Variants in GPC6 observed in about 807,000 individuals in gnomAD.
The protein encoded by GPC6 is glypican-6.
GPC6 carries 14 observed loss-of-function variants against 55.2 expected under a neutral mutation model. The observed-to-expected ratio is 0.25, with a 90% CI of 0.17 to 0.40. The LOEUF (loss-of-function observed/expected upper bound fraction) is 0.40, where lower values mean the gene tolerates loss of function less well. Among genes scored for constraint, GPC6 ranks in the 10% least tolerant of loss-of-function variants. GPC6 has a pLI of 1.00. For synonymous variants in GPC6, 278 were observed against 259.6 expected, an observed-to-expected ratio of 1.07 and a Z score of -0.68; for missense variants, 641 against 708.5, an observed-to-expected ratio of 0.90 and a Z score of 1.08.
At chr13:93,471,189 A>G (rs1370921170) in intron 1 of GPC6, among the ~76,000 whole-genome samples, 1 of 151,686 alleles carries the variant, frequency 6.6e-6, no homozygotes, top group African/African-American at 2.4e-5. Context: ...GCTAGTTAAG[A>G]TGGAAATTTT....
At chr13:93,630,912 C>T (rs1239137415) in intron 2 of GPC6, among the ~76,000 whole-genome samples, 1 of 152,068 alleles carries the variant, frequency 6.6e-6, no homozygotes, top group Non-Finnish European at 1.5e-5. Context: ...AAGATAGGCC[C>T]TTTAAAGAAG....
intron 2 of GPC6, among the ~76,000 whole-genome samples, chr13:93,666,996 C>A (rs1488379232): frequency 1.3e-5 from 2 of 151,120 alleles, no homozygotes; most frequent in Non-Finnish European, 3.0e-5. Context: ...TTCAAAATAA[C>A]TTTTTTTTTG....
At chr13:94,048,948 A>G (rs1433312484) in intron 4 of GPC6, among the ~76,000 whole-genome samples, 1 of 151,966 alleles carries the variant, frequency 6.6e-6, no homozygotes, top group Admixed American at 6.6e-5. Context: ...TGTATCTATG[A>G]AGAAGGCATT....
chr13:94,234,508 C>CT (rs56709078), intron 4 of GPC6, among the ~76,000 whole-genome samples: 43,533 of 135,960 alleles, frequency 0.32, 7,330 homozygotes, highest in Non-Finnish European at 0.35. Context: ...CTTTTGTTTG[C>CT]TTTTTTTTTT....
rs920493395 is a variant in GPC6, at chr13:93,421,323, A to G, written c.161-123940A>G. Among the ~76,000 whole-genome samples the G allele has an allele frequency of 3.3e-5, 5 of 152,288 alleles. No homozygotes were observed. In the East Asian group the frequency reaches 9.6e-4, roughly 29 times the overall value. Reference sequence around the variant, plus strand: ...ACACTCCTCAGGCCGTCATGTATAAAGCAGTTGGCTCATGAACTTCATTTT... The same window carrying G: ...ACACTCCTCAGGCCGTCATGTATAAGGCAGTTGGCTCATGAACTTCATTTT... On this transcript the variant is annotated intron_variant, in intron 1 of 8. Coordinates refer to ENST00000377047, the MANE Select transcript of GPC6 (RefSeq NM_005708.5).
chr13:93,776,921 C>A (rs574058224), intron 2 of GPC6, among the ~76,000 whole-genome samples: 1 of 152,134 alleles, frequency 6.6e-6, no homozygotes, highest in Admixed American at 6.5e-5. Flanking sequence ...ACAAACTATA[C>A]GGAACAGTTG....
intron 2 of GPC6, among the ~76,000 whole-genome samples, chr13:93,729,913 A>C (rs1477886962): frequency 6.6e-6 from 1 of 152,172 alleles, no homozygotes; most frequent in Non-Finnish European, 1.5e-5. Context: ...CAAATACAAG[A>C]ATAGTACACT....
chr13:93,477,174 A>G (rs1879331019), intron 1 of GPC6, among the ~76,000 whole-genome samples: 1 of 152,028 alleles, frequency 6.6e-6, no homozygotes, highest in Non-Finnish European at 1.5e-5. Context: ...AAATTTTTTT[A>G]TTTATGAAAA....
chr13:94,401,948 A>ATT lies in GPC6; in HGVS notation c.1466-1067_1466-1066insTT, dbSNP rs1566762497. Among the ~76,000 whole-genome samples, 932 of 112,620 alleles carry ATT rather than the reference A, an allele frequency of 8.3e-3. 9 individuals are homozygous for ATT. Among genetic ancestry groups the ATT allele is most frequent in the African/African-American group, 0.025 (765 of 30,650 alleles). 73.9% of individuals were successfully genotyped at this position (112,620 alleles called of 152,430 possible). A position where few individuals can be genotyped will look rare whatever the true frequency, so the allele number is the denominator to read the frequency against. On this transcript the variant is annotated intron_variant, in intron 8 of 8. Transcript: ENST00000377047. ...CCCTATGATTGATTGATTGATTGAT[A>ATT]GATAGATAGATAGATAGATAGATAA...
chr13:93,920,478 C>A (rs1016446159), intron 3 of GPC6, among the ~76,000 whole-genome samples: 1 of 152,116 alleles, frequency 6.6e-6, no homozygotes, highest in Admixed American at 6.5e-5. Flanking sequence ...GAAGGTTTCC[C>A]TAATATCTCA....
At chr13:94,399,141 C>T (rs1881019902) in intron 8 of GPC6, among the ~76,000 whole-genome samples, 1 of 152,188 alleles carries the variant, frequency 6.6e-6, no homozygotes, top group African/African-American at 2.4e-5. Context: ...TGGGAAGCAT[C>T]CCTGCTTCAG....
chr13:93,853,422 G>C (rs893104028), intron 3 of GPC6, among the ~76,000 whole-genome samples: 3 of 151,638 alleles, frequency 2.0e-5, no homozygotes, highest in Non-Finnish European at 4.4e-5. Flanking sequence ...AGAGGTTAAA[G>C]TGTAGAACTG....
intron 2 of GPC6, among the ~76,000 whole-genome samples, chr13:93,601,144 T>G (rs552445236): frequency 2.0e-5 from 3 of 151,712 alleles, no homozygotes; most frequent in African/African-American, 7.3e-5. Flanking sequence ...AACCCAGCAC[T>G]TTGGGACGCT....
chr13:93,531,017 A>T (rs1276330902), intron 1 of GPC6, among the ~76,000 whole-genome samples: 1 of 152,170 alleles, frequency 6.6e-6, no homozygotes, highest in Admixed American at 6.5e-5. Flanking sequence ...TATCTCAGAT[A>T]CTGACACTGA....
intron 1 of GPC6, among the ~76,000 whole-genome samples, chr13:93,272,675 T>A (rs2139055211): frequency 6.6e-6 from 1 of 152,240 alleles, no homozygotes; most frequent in Middle Eastern, 3.4e-3. Flanking sequence ...TACTCTTATT[T>A]GGATATAATG....
intron 4 of GPC6, among the ~76,000 whole-genome samples, chr13:94,174,228 G>A (rs1888668739): frequency 6.6e-6 from 1 of 152,126 alleles, no homozygotes; most frequent in African/African-American, 2.4e-5. Flanking sequence ...CAAATGCATG[G>A]GTTAGTGAAC....
chr13:94,024,471 T>C (rs79742980), intron 3 of GPC6, among the ~76,000 whole-genome samples: 2,331 of 152,278 alleles, frequency 0.015, 51 homozygotes, highest in South Asian at 0.068. Flanking sequence ...TGATTTTTAT[T>C]TTAATTCAAG....
rs145570959 is a variant in GPC6, at chr13:94,353,574, CAT to C, written c.1153-28826_1153-28825del. On this transcript the variant is annotated intron_variant, in intron 6 of 8. Transcript: ENST00000377047. ...AAGAGTGAAAGTCGTGTGCGAGGAG[CAT>C]ATATATATATATACACACACACACA... Among the ~76,000 whole-genome samples the C allele has an allele frequency of 4.8e-3, 724 of 149,792 alleles. 7 individuals are homozygous for C. Among genetic ancestry groups the C allele is most frequent in the Middle Eastern group, 0.01 (3 of 292 alleles).
intron 2 of GPC6, among the ~76,000 whole-genome samples, chr13:93,693,461 C>CTGTGTGTGTG (rs35459356): frequency 0.074 from 10,310 of 139,360 alleles, 528 homozygotes; most frequent in Non-Finnish European, 0.11. Context: ...GTATGTATAT[C>CTGTGTGTGTG]TGTGTGTGTG....
Sources: gnomAD v4.1 joint callset for allele counts (sites outside exome capture counted in the v4.1 genomes callset) on GRCh38, gnomAD v4.1.1 for gene constraint, MANE v1.5 for transcripts, NCBI Gene and HGNC (gene_info 2026-07-23, HGNC 2026-07-21) for gene names.